APOH: variants seen among roughly 807,000 people sequenced by gnomAD.
The protein encoded by APOH is beta-2-glycoprotein 1.
In APOH, 48 loss-of-function variants were observed where a neutral mutation model predicts 39.8. The observed-to-expected ratio is 1.21, with a 90% confidence interval of 0.96 to 1.54. APOH has a LOEUF of 1.54. Ranked by LOEUF, APOH falls within the 40% of genes most tolerant of loss-of-function variation. The probability of loss-of-function intolerance (pLI) is 0.00; values close to 1 mark genes in which losing one functional copy is unlikely to be tolerated. For missense variants in APOH, 415 were observed against 421.2 expected, an observed-to-expected ratio of 0.99 and a Z score of 0.13; for synonymous variants, 153 against 151.1, an observed-to-expected ratio of 1.01 and a Z score of -0.09.
At chr17:66,220,476 G>T (rs2073390340) in intron 5 of APOH, 78 bp downstream of exon 5, 3 of 1,397,836 alleles carry the variant, frequency 2.1e-6, no homozygotes, top group Non-Finnish European at 3.0e-6. Flanking sequence ...AACACTCCAT[G>T]ATAGTCAGAA....
At chr17:66,220,521 A>G in intron 5 of APOH, 33 bp downstream of exon 5, 6 of 1,598,490 alleles carry the variant, frequency 3.8e-6, no homozygotes, top group Non-Finnish European at 5.1e-6. Flanking sequence ...ATCTTGCCCT[A>G]CCATGCGTAT....
In APOH at chr17:66,226,641, G is replaced by A. The variant is rs537182828; in HGVS notation, c.242-517C>T. ...GTCTCCAAAAAAAAAAAAAAAATTG[G>A]ATAGTCTAAGGGTTCATCAGGGGAC... is the stretch of plus-strand genomic sequence containing the variant. On this transcript the variant is annotated intron_variant, in intron 2 of 7. Coordinates refer to ENST00000205948, the MANE Select transcript of APOH (RefSeq NM_000042.3). Among the ~76,000 whole-genome samples the A allele has an allele frequency of 4.1e-5, 6 of 146,460 alleles. No homozygotes were observed. The South Asian group carries it at 1.1e-3, about 26-fold the overall frequency.
intron 3 of APOH, 61 bp from the exon 4 acceptor site, chr17:66,223,835 AT>A: frequency 7.2e-7 from 1 of 1,390,066 alleles, no homozygotes; most frequent in Admixed American, 1.7e-5. Flanking sequence ...CATCTCAAAT[AT>A]CTTCTCCATT....
chr17:66,217,108 G>T (rs1383800783), intron 5 of APOH, 141 bp from the exon 6 acceptor site: 1 of 613,028 alleles, frequency 1.6e-6, no homozygotes, highest in Non-Finnish European at 2.5e-6. Flanking sequence ...GTTACCTTGT[G>T]CTTAATTCTG....
chr17:66,227,051 T>C (rs117508278), intron 2 of APOH, among the ~76,000 whole-genome samples: 5,259 of 152,058 alleles, frequency 0.035, 128 homozygotes, highest in Middle Eastern at 0.065. Flanking sequence ...CCCGGCTAAT[T>C]TTTTTTATTT....
At chr17:66,214,787 T>C (rs1598549256) in intron 6 of APOH, 137 bp from the exon 7 acceptor site, 2 of 681,066 alleles carry the variant, frequency 2.9e-6, no homozygotes, top group East Asian at 2.7e-5. Flanking sequence ...ATATATATAG[T>C]AAGTAATGGT....
At chr17:66,227,961 C>T in intron 2 of APOH, 59 bp downstream of exon 2, 1 of 1,556,650 alleles carries the variant, frequency 6.4e-7, no homozygotes, top group Non-Finnish European at 8.7e-7. Context: ...TAGCTTATTC[C>T]TCCAAAATAC....
At chr17:66,227,374 A>G (rs2073446495) in intron 2 of APOH, among the ~76,000 whole-genome samples, 2 of 152,224 alleles carry the variant, frequency 1.3e-5, no homozygotes. Context: ...ACTTCTACAT[A>G]TAATTAAATG....
At chr17:66,228,831 C>A (rs1410459539) in intron 1 of APOH, among the ~76,000 whole-genome samples, 3 of 149,584 alleles carry the variant, frequency 2.0e-5, no homozygotes, top group Non-Finnish European at 4.4e-5. Context: ...AATTATTCTT[C>A]TTCTTATTAT....
intron 5 of APOH, among the ~76,000 whole-genome samples, chr17:66,217,675 G>C (rs1224453412): frequency 6.6e-6 from 1 of 152,114 alleles, no homozygotes; most frequent in Non-Finnish European, 1.5e-5. Flanking sequence ...ATGTGGCCAG[G>C]CACAGTGGCT....
chr17:66,213,173 G>A (rs557614851), intron 7 of APOH, among the ~76,000 whole-genome samples: 1 of 152,288 alleles, frequency 6.6e-6, no homozygotes, highest in South Asian at 2.1e-4. Flanking sequence ...GCTAAAACAA[G>A]ATTGTCAATG....
rs1441877314 is a variant in APOH at position 66,216,942 on chromosome 17, T to C, written c.630A>G (p.Arg210=). Residue 210 remains arginine, a synonymous_variant, in exon 6 of 8, where the codon AGA becomes AGG. Coordinates refer to ENST00000205948, the MANE Select transcript of APOH (RefSeq NM_000042.3). ...GATAGTTCACAAATCCATTGTCTGG[T>C]CTTGATGGGAATGGGCATTTTACTT... ...CREVKCPFPS[R]PDNGFVNYPA... The C allele has an allele frequency of 6.2e-7, 1 of 1,602,814 alleles. No individual in the cohort carries two copies. The highest frequency in any genetic ancestry group is 1.3e-5 in the African/African-American group (1 of 74,324).
chr17:66,218,608 T>C (rs1036446394), intron 5 of APOH, among the ~76,000 whole-genome samples: 5 of 152,122 alleles, frequency 3.3e-5, no homozygotes, highest in Non-Finnish European at 7.3e-5. Flanking sequence ...TTAACATGAA[T>C]CTAATCATGA....
intron 6 of APOH, 81 bp downstream of exon 6, chr17:66,216,707 T>G (rs1281528914): frequency 7.2e-7 from 1 of 1,394,472 alleles, no homozygotes; most frequent in African/African-American, 1.5e-5. Context: ...TGGAAAAGTG[T>G]TGGAACAAGA....
At chr17:66,221,226 A>G (rs528689612) in intron 4 of APOH, among the ~76,000 whole-genome samples, 1 of 147,688 alleles carries the variant, frequency 6.8e-6, no homozygotes, top group East Asian at 2.0e-4. Context: ...AAATAAATAA[A>G]TAAATAAATA....
chr17:66,226,039 A>G lies in APOH; in HGVS notation c.327T>C (p.Ser109=), dbSNP rs768598962. The change falls in exon 3 of 8, where the codon TCT becomes TCC. Residue 109 remains serine, a synonymous_variant. Coordinates refer to ENST00000205948, the MANE Select transcript of APOH (RefSeq NM_000042.3). ...ATGAAAGTTCTTACCCAGTGTTACA[A>G]GAAAAACTGATCGTGTTGGGATATT... is the stretch of plus-strand genomic sequence containing the variant. ...TFEYPNTISF[S]CNTGFYLNGA... 1.2e-6 allele frequency: 2 copies of G among 1,611,846 alleles called. No homozygotes were observed. Among genetic ancestry groups the G allele is most frequent in the Non-Finnish European group, 8.5e-7 (1 of 1,178,904 alleles).
At chr17:66,219,006 T>A (rs969737193) in intron 5 of APOH, among the ~76,000 whole-genome samples, 2 of 151,912 alleles carry the variant, frequency 1.3e-5, no homozygotes, top group African/African-American at 4.8e-5. Context: ...TGAGACACCA[T>A]TTCAAAATAA....
intron 7 of APOH, among the ~76,000 whole-genome samples, chr17:66,213,511 C>G (rs1380006015): frequency 1.3e-5 from 2 of 152,062 alleles, no homozygotes; most frequent in Non-Finnish European, 2.9e-5. Context: ...AATGTGGGAC[C>G]AAGATGAGGT....
chr17:66,224,681 G>A (rs200075416), intron 3 of APOH, among the ~76,000 whole-genome samples: 710 of 30,038 alleles, frequency 0.024, 37 homozygotes, highest in East Asian at 0.058. Context: ...GGGAAGGGAA[G>A]GGAAGGGAAG....
Sources: gnomAD v4.1 joint callset for allele counts (sites outside exome capture counted in the v4.1 genomes callset) on GRCh38, gnomAD v4.1.1 for gene constraint, MANE v1.5 for transcripts, NCBI Gene and HGNC (gene_info 2026-07-23, HGNC 2026-07-21) for gene names.